MAP3K4: variants seen among roughly 807,000 people sequenced by gnomAD.
MAP3K4 encodes the protein mitogen-activated protein kinase kinase kinase 4, also known as MAP three kinase 1.
In MAP3K4, 67 loss-of-function variants were observed where a neutral mutation model predicts 185.6. The observed-to-expected ratio is 0.36, with a 90% confidence interval of 0.30 to 0.44. The LOEUF (loss-of-function observed/expected upper bound fraction) is 0.44. Ranked by LOEUF, MAP3K4 falls within the 20% of genes least tolerant of loss-of-function variation. The pLI is 1.00. For synonymous variants in MAP3K4, 702 were observed against 710.4 expected, an observed-to-expected ratio of 0.99 and a Z score of 0.19; for missense variants, 1,551 against 1,995.1, an observed-to-expected ratio of 0.78 and a Z score of 4.24.
In MAP3K4 at chr6:161,067,914, T is replaced by TA. The variant is rs1784779568; in HGVS notation, c.1708-2693dup. On this transcript the variant is annotated intron_variant, in intron 3 of 26. Coordinates refer to ENST00000392142, the MANE Select transcript of MAP3K4 (RefSeq NM_005922.4). The surrounding 1 kb of genome is among the most constrained non-coding windows in gnomAD (Gnocchi z 6.3). ...CTTGTCAATCTGTCACTAACATAAT[T>TA]ACTGTTGGCATTAGGAGTACAATAG... Among the ~76,000 whole-genome samples the TA allele has an allele frequency of 6.6e-6, 1 of 152,250 alleles. No homozygotes were observed. Among genetic ancestry groups the TA allele is most frequent in the African/African-American group, 2.4e-5 (1 of 41,470 alleles).
At chr6:161,050,452 A>T (rs1043421132) in intron 3 of MAP3K4, among the ~76,000 whole-genome samples, 8 of 152,162 alleles carry the variant, frequency 5.3e-5, no homozygotes, top group African/African-American at 1.9e-4. Flanking sequence ...TTTTAAAGAG[A>T]TGTAAATTAT....
In MAP3K4 at chr6:161,077,432, C is replaced by T. The variant is rs533887544; in HGVS notation, c.2098-3449C>T. On this transcript the variant is annotated intron_variant, in intron 5 of 26. Coordinates refer to ENST00000392142, the MANE Select transcript of MAP3K4 (RefSeq NM_005922.4). This position sits in a 1 kb window ranked among gnomAD's most constrained non-coding sequence, Gnocchi z 4.3. The stretch of plus-strand genomic sequence containing the variant: ...TTTTTTTAGCCTCTTTGCTTTTTAA[C>T]TTATAAAGAGAGGGATCAAGAGAAG... Among the ~76,000 whole-genome samples, 15 of 152,242 alleles carry T rather than the reference C, an allele frequency of 9.9e-5. No individual in the cohort carries two copies. Among genetic ancestry groups the T allele is most frequent in the African/African-American group, 3.6e-4 (15 of 41,532 alleles).
In MAP3K4 at chr6:161,109,146, C is replaced by CT. The variant is rs1306600263; in HGVS notation, c.4236+294dup. ...ACGCCCCTTACACCACTTCTTGTGA[C>CT]TTTTTTTCCGTTTTTTTGCTGAACC... On this transcript the variant is annotated intron_variant, in intron 22 of 26. Transcript: ENST00000392142. The surrounding 1 kb of genome is among the most constrained non-coding windows in gnomAD (Gnocchi z 5.7). The CT allele has an allele frequency of 2.6e-5, 19 of 724,004 alleles. No homozygotes were observed. The African/African-American group carries it at 2.7e-4, about 10-fold the overall frequency. 44.8% of individuals were successfully genotyped at this position (724,004 alleles called of 1,614,324 possible).
Position 161,092,022 on chromosome 6 carries a change from G to A in MAP3K4, c.3148G>A (p.Val1050Ile). 1 of 1,612,050 alleles carries A rather than the reference G, an allele frequency of 6.2e-7. No individual in the cohort carries two copies. Among genetic ancestry groups the A allele is most frequent in the South Asian group, 1.1e-5 (1 of 91,046 alleles). The change falls in exon 13 of 27, where the codon GTT becomes ATT. Residue 1050 changes from valine (V) to isoleucine (I), a missense_variant. Physicochemically the swap from Val to Ile is conservative, Grantham distance 29. Coordinates refer to ENST00000392142, the MANE Select transcript of MAP3K4 (RefSeq NM_005922.4). ...YNFGFEYHKE[V>I]VRLMSGEFRQ... Reference sequence around the variant, plus strand: ...AATCTTCTTACAGTATCATAAAGAAGTTGTTCGTTTGATGTCTGGGGAGTT... The same window carrying A: ...AATCTTCTTACAGTATCATAAAGAAATTGTTCGTTTGATGTCTGGGGAGTT...
chr6:161,086,518 G>A lies in MAP3K4; in HGVS notation c.2472+40G>A, dbSNP rs1479866014. On this transcript the variant is annotated intron_variant, in intron 8 of 26. Coordinates refer to ENST00000392142, the MANE Select transcript of MAP3K4 (RefSeq NM_005922.4). The surrounding 1 kb of genome is among the most constrained non-coding windows in gnomAD (Gnocchi z 4.8). Reference sequence around the variant, plus strand: ...CTGATTAATTAGTACCTTTTTTCTTGTTTTTCTTTTATCTTATTTTTTTAA... The same window carrying A: ...CTGATTAATTAGTACCTTTTTTCTTATTTTTCTTTTATCTTATTTTTTTAA... The A allele has an allele frequency of 6.2e-7, 1 of 1,600,420 alleles. No individual in the cohort carries two copies. Among genetic ancestry groups the A allele is most frequent in the Non-Finnish European group, 8.5e-7 (1 of 1,172,172 alleles).
chr6:161,009,726 A>C (rs1193091971), intron 1 of MAP3K4, among the ~76,000 whole-genome samples: 1 of 152,184 alleles, frequency 6.6e-6, no homozygotes, highest in Non-Finnish European at 1.5e-5. Flanking sequence ...TATTTGTGCC[A>C]ATTTCCACCA....
At chr6:161,027,522 A>C (rs1371626157) in intron 1 of MAP3K4, among the ~76,000 whole-genome samples, 1 of 152,224 alleles carries the variant, frequency 6.6e-6, no homozygotes. Context: ...ATCGCTCTAC[A>C]AAAGTCTTTA....
chr6:161,046,169 T>C (rs2114753147), intron 2 of MAP3K4, among the ~76,000 whole-genome samples: 1 of 152,294 alleles, frequency 6.6e-6, no homozygotes, highest in African/African-American at 2.4e-5. Context: ...AATGTATATG[T>C]CATTTTGTGT....
At chr6:161,035,460 G>A (rs549582511) in intron 2 of MAP3K4, among the ~76,000 whole-genome samples, 4 of 152,272 alleles carry the variant, frequency 2.6e-5, no homozygotes, top group African/African-American at 9.6e-5. Context: ...CCTCAAGAGA[G>A]CAGGAGGGCA....
rs943269631 is a variant in MAP3K4, at chr6:161,076,835, T to C, written c.2097+3223T>C. 3.3e-5 allele frequency among the ~76,000 whole-genome samples: 5 copies of C among 152,292 alleles called. No homozygotes were observed. Among genetic ancestry groups the C allele is most frequent in the African/African-American group, 9.6e-5 (4 of 41,562 alleles). ...TCCACTGTGTGCCAGGCAGGCACCATGCGGGGACCAAGGAACTAGTGCCGA... is the reference window on the plus strand; with the variant it reads ...TCCACTGTGTGCCAGGCAGGCACCACGCGGGGACCAAGGAACTAGTGCCGA... On this transcript the variant is annotated intron_variant, in intron 5 of 26. Transcript: ENST00000392142. This position sits in a 1 kb window ranked among gnomAD's most constrained non-coding sequence, Gnocchi z 4.2.
Position 161,076,271 on chromosome 6 carries a change from G to T in MAP3K4, c.2097+2659G>T, listed in dbSNP as rs554697523. Among the ~76,000 whole-genome samples, 2 of 152,318 alleles carry T rather than the reference G, an allele frequency of 1.3e-5. No homozygotes were observed. The highest frequency in any genetic ancestry group is 4.8e-5 in the African/African-American group (2 of 41,566). On this transcript the variant is annotated intron_variant, in intron 5 of 26. Coordinates refer to ENST00000392142, the MANE Select transcript of MAP3K4 (RefSeq NM_005922.4). The surrounding 1 kb of genome is among the most constrained non-coding windows in gnomAD (Gnocchi z 4.2). ...AGCCTGTCTCTCCAGGGATTCTGTT[G>T]TTGACTGAAGAGCTGCCCGACAGAA...
At chr6:161,113,790 C>CTTTTTTTTTTTTTTTTT (rs963260228) in intron 25 of MAP3K4, among the ~76,000 whole-genome samples, 1 of 71,076 alleles carries the variant, frequency 1.4e-5, no homozygotes, top group Non-Finnish European at 2.4e-5. Flanking sequence ...ATATGAGTGA[C>CTTTTTTTTTTTTTTTTT]TTTTTTTTTT....
At chr6:161,023,516 G>A (rs190871517) in intron 1 of MAP3K4, among the ~76,000 whole-genome samples, 2 of 152,340 alleles carry the variant, frequency 1.3e-5, no homozygotes, top group Non-Finnish European at 2.9e-5. Flanking sequence ...CGTTAAAATA[G>A]GAAGAAAAGA....
chr6:161,110,774 G>A lies in MAP3K4; in HGVS notation c.4396+860G>A, dbSNP rs1035811981. Among the ~76,000 whole-genome samples, 8 of 152,156 alleles carry A rather than the reference G, an allele frequency of 5.3e-5. No individual in the cohort carries two copies. Among genetic ancestry groups the A allele is most frequent in the Non-Finnish European group, 1.0e-4 (7 of 68,012 alleles). On this transcript the variant is annotated intron_variant, in intron 23 of 26. Transcript: ENST00000392142. The surrounding 1 kb of genome is among the most constrained non-coding windows in gnomAD (Gnocchi z 4.8). ...ACCCTGAATCACCCAGCATACACCG[G>A]TCTCATTGGCTGCCTGCCTGTCCGC...
chr6:161,048,860 T>C lies in MAP3K4; in HGVS notation c.588T>C (p.Ala196=). ...ACCTCAGCCTTGGCTGTAGCAATGCTAAGCTTCCAGTATCTGTGCCCATGC... is the reference window on the plus strand; with the variant it reads ...ACCTCAGCCTTGGCTGTAGCAATGCCAAGCTTCCAGTATCTGTGCCCATGC... ...KPYLSLGCSN[A]KLPVSVPMPI... Residue 196 remains alanine, a synonymous_variant, in exon 3 of 27, where the codon GCT becomes GCC. Transcript: ENST00000392142. The surrounding 1 kb of genome is among the most constrained non-coding windows in gnomAD (Gnocchi z 4.7). 1 of 1,614,214 alleles carries C rather than the reference T, an allele frequency of 6.2e-7. No individual in the cohort carries two copies. Among genetic ancestry groups the C allele is most frequent in the Admixed American group, 1.7e-5 (1 of 60,018 alleles).
chr6:161,035,092 T>G (rs1045963556), intron 2 of MAP3K4, among the ~76,000 whole-genome samples: 2 of 152,144 alleles, frequency 1.3e-5, no homozygotes, highest in Non-Finnish European at 2.9e-5. Flanking sequence ...GTTCTTTTTT[T>G]GTGGTAGATG....
intron 7 of MAP3K4, among the ~76,000 whole-genome samples, chr6:161,085,443 T>C (rs932391713): frequency 1.3e-5 from 2 of 152,236 alleles, no homozygotes; most frequent in Non-Finnish European, 2.9e-5. Flanking sequence ...CTTTGTGGTA[T>C]ATATATCAGG....
intron 1 of MAP3K4, among the ~76,000 whole-genome samples, chr6:160,994,138 ATTTTC>A (rs201099261): frequency 0.012 from 1,822 of 148,268 alleles, 27 homozygotes; most frequent in Middle Eastern, 0.052. Context: ...TTTTTTTACA[ATTTTC>A]TTTTTTATTT....
chr6:161,060,079 G>A (rs892696042), intron 3 of MAP3K4, among the ~76,000 whole-genome samples: 1 of 152,092 alleles, frequency 6.6e-6, no homozygotes, highest in Non-Finnish European at 1.5e-5. Flanking sequence ...GACTATTTGT[G>A]CCATTAGTAG....
Sources: gnomAD v4.1 joint callset for allele counts (sites outside exome capture counted in the v4.1 genomes callset) on GRCh38, gnomAD v4.1.1 for gene constraint, Gnocchi (gnomAD v3.1) non-coding constraint, MANE v1.5 for transcripts, NCBI Gene and HGNC (gene_info 2026-07-23, HGNC 2026-07-21) for gene names.